The following CSNK2A2 variants were observed in gnomAD, a reference collection of about 807,000 sequenced individuals.
The protein encoded by CSNK2A2 is casein kinase II subunit alpha'.
Under a neutral mutation model 54.0 loss-of-function variants are expected in CSNK2A2, and 8 were observed. The observed-to-expected ratio is 0.15, with a 90% CI of 0.09 to 0.27. The LOEUF (loss-of-function observed/expected upper bound fraction) is 0.27, where lower values mean the gene tolerates loss of function less well. Among genes scored for constraint, CSNK2A2 ranks in the 10% least tolerant of loss-of-function variants. CSNK2A2 has a pLI of 1.00. For synonymous variants in CSNK2A2, 141 were observed against 153.9 expected (o/e 0.92, Z 0.62); for missense variants, 242 against 439.4 (o/e 0.55, Z 4.02).
intron 10 of CSNK2A2, among the ~76,000 whole-genome samples, chr16:58,164,801 A>C (rs1693458708): frequency 6.6e-6 from 1 of 152,198 alleles, no homozygotes; most frequent in Admixed American, 6.5e-5. Context: ...GACTACAGCG[A>C]CACATTCTTC....
chr16:58,189,473 A>G (rs997265068), intron 2 of CSNK2A2, among the ~76,000 whole-genome samples: 1 of 152,188 alleles, frequency 6.6e-6, no homozygotes, highest in African/African-American at 2.4e-5. Context: ...TTACAGGCAC[A>G]ACCCATTAGT....
intron 2 of CSNK2A2, among the ~76,000 whole-genome samples, chr16:58,189,672 G>A: frequency 6.6e-6 from 1 of 152,176 alleles, no homozygotes; most frequent in East Asian, 1.9e-4. Flanking sequence ...CTAGAGACTG[G>A]GAATAGCAGG....
chr16:58,164,800 G>A (rs748326606), intron 10 of CSNK2A2, among the ~76,000 whole-genome samples: 3 of 152,134 alleles, frequency 2.0e-5, no homozygotes, highest in East Asian at 1.9e-4. Context: ...AGACTACAGC[G>A]ACACATTCTT....
At chr16:58,181,935 G>C (rs1361220586) in intron 4 of CSNK2A2, among the ~76,000 whole-genome samples, 1 of 152,054 alleles carries the variant, frequency 6.6e-6, no homozygotes, top group Non-Finnish European at 1.5e-5. Context: ...GATGAAACTA[G>C]AATGGCTTCA....
chr16:58,167,696 C>A lies in CSNK2A2; in HGVS notation c.613G>T (p.Val205Leu). ...GCTAACAAGTTTACCTGATAGTCCA[C>A]GAGGAGCTCTGGTCCCTTGAAGTAC... ...SRYFKGPELLVDYQMYDYSLD... is the reference protein window; with the variant it reads ...SRYFKGPELLLDYQMYDYSLD... The change falls in exon 7 of 12, where the codon GTG becomes TTG. Residue 205 changes from valine to leucine, a missense_variant. Transcript: ENST00000262506. The A allele has an allele frequency of 6.2e-7, 1 of 1,612,952 alleles. No individual in the cohort carries two copies. The highest frequency in any genetic ancestry group is 8.5e-7 in the Non-Finnish European group (1 of 1,178,940).
At chr16:58,176,180 G>C (rs1448045461) in intron 4 of CSNK2A2, among the ~76,000 whole-genome samples, 2 of 152,184 alleles carry the variant, frequency 1.3e-5, no homozygotes, top group East Asian at 3.9e-4. Context: ...CTATGAAAGA[G>C]AAAAGATCTA....
At chr16:58,182,374 CA>C (rs71155249) in intron 4 of CSNK2A2, among the ~76,000 whole-genome samples, 89 of 25,738 alleles carry the variant, frequency 3.5e-3, no homozygotes, top group African/African-American at 0.013. Context: ...CTAAATATAC[CA>C]AAAAAAAAAA....
At chr16:58,167,384 G>T in intron 7 of CSNK2A2, 76 bp from the exon 8 acceptor site, 2 of 1,135,376 alleles carry the variant, frequency 1.8e-6, no homozygotes, top group Non-Finnish European at 2.5e-6. Context: ...TTTTTTAGAC[G>T]AGATTGGGCG....
At chr16:58,182,561 A>T (rs1299950838) in intron 4 of CSNK2A2, among the ~76,000 whole-genome samples, 4 of 151,248 alleles carry the variant, frequency 2.6e-5, no homozygotes, top group African/African-American at 9.7e-5. Context: ...TCTCAAAAAA[A>T]AAAAAAAAAA....
chr16:58,196,579 C>A (rs1168848101), intron 2 of CSNK2A2, among the ~76,000 whole-genome samples, 154 bp downstream of exon 2: 1 of 152,154 alleles, frequency 6.6e-6, no homozygotes, highest in Non-Finnish European at 1.5e-5. Context: ...GATCTGCACT[C>A]CAGCCTGGGT....
At position 58,165,127 on chromosome 16, in the gene CSNK2A2, C is replaced by G. The variant is rs182111539; in HGVS notation, c.976+433G>C. 2.1e-3 allele frequency among the ~76,000 whole-genome samples: 324 copies of G among 152,338 alleles called. 2 individuals carry two copies. Among genetic ancestry groups the G allele is most frequent in the Admixed American group, 3.9e-3 (60 of 15,308 alleles). On this transcript the variant is annotated intron_variant, in intron 10 of 11. Coordinates refer to ENST00000262506, the MANE Select transcript of CSNK2A2 (RefSeq NM_001896.4). ...AGTGAGGCCTCTCCACACTTACTTC[C>G]CTTTCCTCAAATTCCTTTCGTCCAT...
intron 2 of CSNK2A2, among the ~76,000 whole-genome samples, chr16:58,192,413 T>G (rs1323220303): frequency 1.3e-5 from 2 of 151,178 alleles, no homozygotes; most frequent in African/African-American, 4.9e-5. Flanking sequence ...ATCTGCCAAG[T>G]GATCATGCTG....
chr16:58,197,563 G>T lies in CSNK2A2; in HGVS notation c.104+70C>A. The T allele has an allele frequency of 9.3e-7, 1 of 1,080,746 alleles. No homozygotes were observed. Among genetic ancestry groups the T allele is most frequent in the Non-Finnish European group, 1.3e-6 (1 of 762,670 alleles). 66.9% of individuals were successfully genotyped at this position (1,080,746 alleles called of 1,614,324 possible). On this transcript the variant is annotated intron_variant, in intron 1 of 11. Transcript: ENST00000262506. The surrounding 1 kb of genome is among the most constrained non-coding windows in gnomAD (Gnocchi z 4.0). ...GCGGGAGACACCACCGGGCCCGAGT[G>T]CGGTTCGCAGGGGGTGGCCGGGCGG...
chr16:58,196,839 T>G lies in CSNK2A2; in HGVS notation c.110A>C (p.Gln37Pro). Reference sequence around the variant, plus strand: ...TTTTCGAACCAGTTGGTAATCATCTTGATTACTGTAAAAGGAAGACACACA... The same window carrying G: ...TTTTCGAACCAGTTGGTAATCATCTGGATTACTGTAAAAGGAAGACACACA... The part of the protein sequence containing the change: ...YEAHVPSWGN[Q>P]DDYQLVRKLG... The change falls in exon 2 of 12, where the codon CAA becomes CCA. Residue 37 changes from glutamine (Q) to proline (P), a missense_variant. This residue lies in a region of CSNK2A2 where 48 missense variants were observed against 55.4 expected (regional missense o/e 0.87). Coordinates refer to ENST00000262506, the MANE Select transcript of CSNK2A2 (RefSeq NM_001896.4). 3 of 1,601,270 alleles carry G rather than the reference T, an allele frequency of 1.9e-6. No homozygotes were observed. The highest frequency in any genetic ancestry group is 2.6e-6 in the Non-Finnish European group (3 of 1,168,340).
chr16:58,164,617 C>T lies in CSNK2A2; in HGVS notation c.977-470G>A, dbSNP rs977354047. Reference sequence around the variant, plus strand: ...CATATATTCAGAAAAGCAGAAAGATCATTAATGACATGTCATAAACATCAG... The same window carrying T: ...CATATATTCAGAAAAGCAGAAAGATTATTAATGACATGTCATAAACATCAG... On this transcript the variant is annotated intron_variant, in intron 10 of 11. Transcript: ENST00000262506. Among the ~76,000 whole-genome samples, 138 of 152,136 alleles carry T rather than the reference C, an allele frequency of 9.1e-4. 1 individual carries two copies. The highest frequency in any genetic ancestry group is 1.6e-3 in the Non-Finnish European group (110 of 68,024).
chr16:58,190,044 GT>G (rs1962288602), intron 2 of CSNK2A2, among the ~76,000 whole-genome samples: 1 of 152,176 alleles, frequency 6.6e-6, no homozygotes, highest in Admixed American at 6.5e-5. Context: ...TCCAGAGCCT[GT>G]AGCCATTCAC....
intron 11 of CSNK2A2, chr16:58,159,108 T>A (rs966521481): frequency 3.9e-5 from 6 of 152,256 alleles, no homozygotes; most frequent in African/African-American, 1.4e-4. Flanking sequence ...AAGGGCTGCA[T>A]GGTGCATGAG....
intron 4 of CSNK2A2, among the ~76,000 whole-genome samples, chr16:58,179,089 T>C (rs1227574596): frequency 6.6e-6 from 1 of 152,188 alleles, no homozygotes; most frequent in Non-Finnish European, 1.5e-5. Flanking sequence ...ATACTAAAAG[T>C]ATTGTGGTTT....
chr16:58,194,075 G>A (rs754452712), intron 2 of CSNK2A2, among the ~76,000 whole-genome samples: 14 of 152,240 alleles, frequency 9.2e-5, no homozygotes, highest in Middle Eastern at 3.4e-3. Context: ...GAACTGATAC[G>A]AAACGTTACT....
Sources: allele counts gnomAD v4.1 joint callset (sites outside exome capture counted in the v4.1 genomes callset), GRCh38; gene constraint gnomAD v4.1.1; regional missense constraint gnomAD v4.1.1; non-coding constraint Gnocchi (gnomAD v3.1); transcripts MANE v1.5; gene names NCBI Gene and HGNC (gene_info 2026-07-23, HGNC 2026-07-21).